Variants in EMILIN2 observed in about 807,000 individuals in gnomAD.
EMILIN2 encodes elastin microfibril interfacer 2, also known as EMILIN-2.
Under a neutral mutation model 87.1 loss-of-function variants are expected in EMILIN2, and 71 were observed. That is an observed-to-expected ratio of 0.82 (90% CI 0.67 to 0.99). The LOEUF (loss-of-function observed/expected upper bound fraction) is 0.99, where lower values mean the gene tolerates loss of function less well. EMILIN2 is among the 50% of genes least tolerant of loss of function. The pLI, the probability that EMILIN2 is intolerant of heterozygous loss-of-function variation, is 0.00. For synonymous variants in EMILIN2, 581 were observed against 563.4 expected (o/e 1.03, Z -0.44); for missense variants, 1,407 against 1,371.8 (o/e 1.03, Z -0.40).
intron 4 of EMILIN2, among the ~76,000 whole-genome samples, chr18:2,905,694 C>A (rs2076907310): frequency 6.6e-6 from 1 of 151,934 alleles, no homozygotes; most frequent in African/African-American, 2.4e-5. Context: ...CCTCCACCTC[C>A]TGGGTTCAAG....
intron 4 of EMILIN2, among the ~76,000 whole-genome samples, chr18:2,899,460 A>G (rs541393513): frequency 1.3e-5 from 2 of 152,280 alleles, no homozygotes; most frequent in African/African-American, 4.8e-5. Flanking sequence ...AGATCCTCCT[A>G]TGCGCTTCCA....
At position 2,913,161 on chromosome 18, in the gene EMILIN2, C is replaced by G; in HGVS notation, c.2919C>G (p.Ser973=). ...DAYVEAVLSV[S]NASVAQLHTA... is the part of the protein sequence containing the mutation. ...ACGTGGAAGCAGTGCTGTCGGTCTCCAACGCCAGCGTGGCCCAGCTGCATA... is the reference window on the plus strand; with the variant it reads ...ACGTGGAAGCAGTGCTGTCGGTCTCGAACGCCAGCGTGGCCCAGCTGCATA... Residue 973 remains serine (S), a synonymous_variant, in exon 8 of 8, where the codon TCC becomes TCG. Transcript: ENST00000254528. The G allele has an allele frequency of 6.2e-7, 1 of 1,614,058 alleles. No individual in the cohort carries two copies. Among genetic ancestry groups the G allele is most frequent in the Non-Finnish European group, 8.5e-7 (1 of 1,180,026 alleles).
At position 2,891,077 on chromosome 18, in the gene EMILIN2, A is replaced by T. The variant is rs369228714; in HGVS notation, c.950A>T (p.Tyr317Phe). Residue 317 changes from tyrosine to phenylalanine, a missense_variant, in exon 4 of 8, where the codon TAT becomes TTT. Physicochemically the swap from Tyr to Phe is conservative, Grantham distance 22. Transcript: ENST00000254528. This position sits in a 1 kb window ranked among gnomAD's most constrained non-coding sequence, Gnocchi z 4.6. ...ACAACCAACGAACTCTACCAAGCCT[A>T]TGTGGACAGTAAGATCGACGCCCTG... Reference protein sequence around the residue: ...TMTTNELYQAYVDSKIDALRE... With the variant: ...TMTTNELYQAFVDSKIDALRE... The T allele has an allele frequency of 1.2e-6, 2 of 1,614,198 alleles. No individual in the cohort carries two copies. Among genetic ancestry groups the T allele is most frequent in the East Asian group, 2.2e-5 (1 of 44,876 alleles).
At position 2,915,696 on chromosome 18, in the gene EMILIN2, G is replaced by C. The variant is rs1453154549; in HGVS notation, c.*2292G>C. On this transcript the variant is annotated 3_prime_UTR_variant, in exon 8 of 8. Transcript: ENST00000254528. ...TGCCGCCACGCCCGGTTAATTTTTT[G>C]TATTTTAGTAGAGATGGGGTTTCAC... is the stretch of plus-strand genomic sequence containing the variant. 1 of 152,078 alleles carries C rather than the reference G, an allele frequency of 6.6e-6. No individual in the cohort carries two copies. Among genetic ancestry groups the C allele is most frequent in the Non-Finnish European group, 1.5e-5 (1 of 68,034 alleles). 9.4% of individuals were successfully genotyped at this position (152,078 alleles called of 1,614,324 possible).
chr18:2,889,617 A>AT (rs149319093), intron 3 of EMILIN2, among the ~76,000 whole-genome samples: 2,296 of 136,388 alleles, frequency 0.017, 45 homozygotes, highest in African/African-American at 0.057. Context: ...TTTCTTTTGG[A>AT]TTTTTTCCTT....
At chr18:2,873,799 ATG>A (rs2076734396) in intron 2 of EMILIN2, among the ~76,000 whole-genome samples, 1 of 152,190 alleles carries the variant, frequency 6.6e-6, no homozygotes, top group African/African-American at 2.4e-5. Context: ...AAGTCTATAT[ATG>A]TGTCTCATTC....
In EMILIN2 at chr18:2,873,664, G is replaced by A. The variant is rs182052653; in HGVS notation, c.258-11300G>A. On this transcript the variant is annotated intron_variant, in intron 2 of 7. Transcript: ENST00000254528. ...GGAGCTTGCAGTGAGCCAAGATCGCGTCACTGCACTCCAGCCTGGGCGACA... is the reference window on the plus strand; with the variant it reads ...GGAGCTTGCAGTGAGCCAAGATCGCATCACTGCACTCCAGCCTGGGCGACA... Among the ~76,000 whole-genome samples, 74 of 147,390 alleles carry A rather than the reference G, an allele frequency of 5.0e-4. No homozygotes were observed. The East Asian group carries it at 6.7e-3, about 13-fold the overall frequency.
At chr18:2,900,373 G>A (rs911510206) in intron 4 of EMILIN2, among the ~76,000 whole-genome samples, 5 of 152,024 alleles carry the variant, frequency 3.3e-5, no homozygotes, top group South Asian at 2.1e-4. Flanking sequence ...ATTTTTTGTC[G>A]AGACAGAGTC....
intron 2 of EMILIN2, among the ~76,000 whole-genome samples, chr18:2,865,031 C>G (rs1037363530): frequency 6.6e-6 from 1 of 151,928 alleles, no homozygotes; most frequent in Non-Finnish European, 1.5e-5. Flanking sequence ...CTTGTGCATT[C>G]GTCACGTAGT....
At position 2,909,009 on chromosome 18, in the gene EMILIN2, C is replaced by T. The variant is rs73936854; in HGVS notation, c.2695+34C>T. 57 of 1,612,264 alleles carry T rather than the reference C, an allele frequency of 3.5e-5. No individual in the cohort carries two copies. In the Admixed American group the frequency reaches 3.8e-4, roughly 11 times the overall value. ...GCTGAGAGACCAGGAGCAGGAGGAG[C>T]GGTCTCCTTGGTGGCCTCTGCCCCT... On this transcript the variant is annotated intron_variant, in intron 6 of 7. Transcript: ENST00000254528.
intron 2 of EMILIN2, among the ~76,000 whole-genome samples, chr18:2,852,048 T>C (rs553306591): frequency 1.3e-5 from 2 of 152,344 alleles, no homozygotes; most frequent in Admixed American, 6.5e-5. Context: ...TTTGTCTTAG[T>C]GTGTGCTTTC....
intron 2 of EMILIN2, among the ~76,000 whole-genome samples, chr18:2,854,985 G>A (rs532300410): frequency 1.4e-4 from 22 of 152,218 alleles, no homozygotes; most frequent in African/African-American, 3.6e-4. Flanking sequence ...CAAAAGTTTC[G>A]CCATCAATTG....
intron 2 of EMILIN2, among the ~76,000 whole-genome samples, chr18:2,867,411 A>C (rs1404745044): frequency 6.6e-6 from 1 of 152,016 alleles, no homozygotes; most frequent in Non-Finnish European, 1.5e-5. Flanking sequence ...GGGATTTGGC[A>C]GGGTCATAGG....
chr18:2,848,601 A>G lies in EMILIN2; in HGVS notation c.257+670A>G, dbSNP rs2076588292. Among the ~76,000 whole-genome samples, 1 of 152,014 alleles carries G rather than the reference A, an allele frequency of 6.6e-6. No individual in the cohort carries two copies. The highest frequency in any genetic ancestry group is 1.5e-5 in the Non-Finnish European group (1 of 67,992). ...TAAAGATTTCCCCATCTTAAAAAAA[A>G]AAAAAAACAGGAAGCAATGCAATAA... On this transcript the variant is annotated intron_variant, in intron 2 of 7. Coordinates refer to ENST00000254528, the MANE Select transcript of EMILIN2 (RefSeq NM_032048.3). This position sits in a 1 kb window ranked among gnomAD's most constrained non-coding sequence, Gnocchi z 4.1.
chr18:2,902,657 G>A (rs1272656565), intron 4 of EMILIN2, among the ~76,000 whole-genome samples: 2 of 152,186 alleles, frequency 1.3e-5, no homozygotes, highest in African/African-American at 2.4e-5. Context: ...ACGTCAGGCC[G>A]GAGAGAGTCA....
chr18:2,889,460 G>A lies in EMILIN2; in HGVS notation c.434-1101G>A, dbSNP rs991772396. Among the ~76,000 whole-genome samples, 3 of 151,942 alleles carry A rather than the reference G, an allele frequency of 2.0e-5. No homozygotes were observed. In the East Asian group the frequency reaches 5.8e-4, roughly 29 times the overall value. ...GATGCAGTATTTCTTGTATCCTGCTGTATTCAGGGCATAGTTTGTTTCTTA... is the reference window on the plus strand; with the variant it reads ...GATGCAGTATTTCTTGTATCCTGCTATATTCAGGGCATAGTTTGTTTCTTA... On this transcript the variant is annotated intron_variant, in intron 3 of 7. Transcript: ENST00000254528.
In EMILIN2 at chr18:2,890,967, G is replaced by A. The variant is rs770525430; in HGVS notation, c.840G>A (p.Leu280=). ...KDTLKNKSDK[L]EELDGKVKGY... ...CTCTAAAGAACAAAAGTGACAAGCT[G>A]GAAGAGCTGGATGGAAAAGTGAAGG... Residue 280 remains leucine, a synonymous_variant, in exon 4 of 8, where the codon CTG becomes CTA. Transcript: ENST00000254528. This position sits in a 1 kb window ranked among gnomAD's most constrained non-coding sequence, Gnocchi z 4.7. 8.1e-6 allele frequency: 13 copies of A among 1,614,022 alleles called. No homozygotes were observed. The highest frequency in any genetic ancestry group is 1.3e-5 in the African/African-American group (1 of 74,928).
At chr18:2,854,934 T>G (rs1284946336) in intron 2 of EMILIN2, among the ~76,000 whole-genome samples, 1 of 152,256 alleles carries the variant, frequency 6.6e-6, no homozygotes, top group East Asian at 1.9e-4. Flanking sequence ...GTACCTTTTG[T>G]GTATAGCTTT....
chr18:2,881,217 C>T (rs1024282281), intron 2 of EMILIN2, among the ~76,000 whole-genome samples: 1 of 152,288 alleles, frequency 6.6e-6, no homozygotes, highest in African/African-American at 2.4e-5. Context: ...CATCGTCATG[C>T]GACATCCCTA....
Sources: gnomAD v4.1 joint callset for allele counts (sites outside exome capture counted in the v4.1 genomes callset) on GRCh38, gnomAD v4.1.1 for gene constraint, Gnocchi (gnomAD v3.1) non-coding constraint, MANE v1.5 for transcripts, NCBI Gene and HGNC (gene_info 2026-07-23, HGNC 2026-07-21) for gene names.